The following MYO1E variants were observed in gnomAD, a reference collection of about 807,000 sequenced individuals.
The protein encoded by MYO1E is myosin IE.
Under a neutral mutation model 151.1 loss-of-function variants are expected in MYO1E, and 68 were observed. The observed-to-expected ratio is 0.45, with a 90% CI of 0.37 to 0.55. The LOEUF (loss-of-function observed/expected upper bound fraction) is 0.55. MYO1E is among the 20% of genes least tolerant of loss of function. MYO1E has a pLI of 0.00. For synonymous variants in MYO1E, 601 were observed against 501.7 expected (o/e 1.20, Z -2.64); for missense variants, 1,363 against 1,389.3 (o/e 0.98, Z 0.30).
chr15:59,337,351 T>C (rs2080735322), intron 1 of MYO1E, among the ~76,000 whole-genome samples: 1 of 152,242 alleles, frequency 6.6e-6, no homozygotes, highest in Non-Finnish European at 1.5e-5. Context: ...AATGGAGTTG[T>C]GTTATCCATA....
At position 59,372,440 on chromosome 15, in the gene MYO1E, G is replaced by A. The variant is rs532017779; in HGVS notation, c.3+58C>T. On this transcript the variant is annotated intron_variant, in intron 1 of 27. Coordinates refer to ENST00000288235, the MANE Select transcript of MYO1E (RefSeq NM_004998.4). The stretch of plus-strand genomic sequence containing the variant: ...GCGCCCAAGGTGGGTGCACCACGCC[G>A]GGGTTTCCTGCCCCGTCCCCGGGTC... 5,658 of 1,535,564 alleles carry A rather than the reference G, an allele frequency of 3.7e-3. 13 individuals carry two copies. Among genetic ancestry groups the A allele is most frequent in the Non-Finnish European group, 4.6e-3 (5,236 of 1,144,858 alleles).
chr15:59,324,995 C>A (rs1251683423), intron 1 of MYO1E, among the ~76,000 whole-genome samples: 2 of 146,926 alleles, frequency 1.4e-5, no homozygotes, highest in Non-Finnish European at 3.0e-5. Flanking sequence ...ATCTTCCCTT[C>A]AGTAGGGTTT....
At chr15:59,175,149 A>C (rs1373468645) in intron 19 of MYO1E, among the ~76,000 whole-genome samples, 1 of 152,198 alleles carries the variant, frequency 6.6e-6, no homozygotes, top group Non-Finnish European at 1.5e-5. Flanking sequence ...TGGGGCTAGA[A>C]AGTGAACCTA....
At chr15:59,142,523 C>T (rs2079416437) in intron 26 of MYO1E, among the ~76,000 whole-genome samples, 1 of 152,196 alleles carries the variant, frequency 6.6e-6, no homozygotes, top group Non-Finnish European at 1.5e-5. Context: ...TCGTGTCTTC[C>T]TTGCCAGTTG....
chr15:59,180,511 C>T (rs1272887721), intron 18 of MYO1E, among the ~76,000 whole-genome samples: 1 of 151,628 alleles, frequency 6.6e-6, no homozygotes, highest in Admixed American at 6.6e-5. Flanking sequence ...TGGCAATTCA[C>T]ATTTTTTCCT....
intron 14 of MYO1E, chr15:59,207,762 G>T: frequency 1.9e-6 from 3 of 1,614,168 alleles, no homozygotes; most frequent in Non-Finnish European, 1.7e-6. Context: ...AAGATCCTGA[G>T]CAATGGAAAA....
chr15:59,215,758 A>G (rs1402993848), intron 10 of MYO1E, among the ~76,000 whole-genome samples: 1 of 152,192 alleles, frequency 6.6e-6, no homozygotes, highest in African/African-American at 2.4e-5. Flanking sequence ...GTATTCATGT[A>G]CTGGTACTAT....
At chr15:59,216,643 A>AGTGTGTGTGTGTCTGTGTGTGTGT (rs2079917170) in intron 10 of MYO1E, among the ~76,000 whole-genome samples, 3 of 43,478 alleles carry the variant, frequency 6.9e-5, no homozygotes, top group African/African-American at 2.7e-4. Flanking sequence ...AAGGGCCCCC[A>AGTGTGTGTGTGTCTGTGTGTGTGT]GTGTGTGTGT....
intron 14 of MYO1E, chr15:59,208,155 T>C: frequency 7.6e-7 from 1 of 1,320,720 alleles, no homozygotes; most frequent in Middle Eastern, 1.9e-4. Flanking sequence ...AACGAAATTT[T>C]GAATAAACTT....
intron 9 of MYO1E, among the ~76,000 whole-genome samples, chr15:59,221,993 A>G (rs1442157100): frequency 6.6e-6 from 1 of 152,202 alleles, no homozygotes; most frequent in Non-Finnish European, 1.5e-5. Flanking sequence ...AAAGTTTAGA[A>G]ACATAGTTAT....
chr15:59,302,551 T>C (rs1443703686), intron 1 of MYO1E, among the ~76,000 whole-genome samples: 1 of 152,138 alleles, frequency 6.6e-6, no homozygotes, highest in African/African-American at 2.4e-5. Flanking sequence ...CTAGGACTCA[T>C]CTGTATTATT....
At chr15:59,219,188 C>T (rs1167186612) in intron 9 of MYO1E, among the ~76,000 whole-genome samples, 3 of 152,068 alleles carry the variant, frequency 2.0e-5, no homozygotes, top group Non-Finnish European at 4.4e-5. Context: ...TTGTTTCAGA[C>T]CATGAAACTT....
chr15:59,276,143 C>A (rs1432425373), intron 1 of MYO1E, among the ~76,000 whole-genome samples: 1 of 152,184 alleles, frequency 6.6e-6, no homozygotes, highest in African/African-American at 2.4e-5. Flanking sequence ...TCCTCTACCC[C>A]TGCTGAGAGG....
rs181714117 is a variant in MYO1E at position 59,249,822 on chromosome 15, A to G, written c.332+6462T>C. On this transcript the variant is annotated intron_variant, in intron 4 of 27. Coordinates refer to ENST00000288235, the MANE Select transcript of MYO1E (RefSeq NM_004998.4). ...AACACATTTTAAAAGGCACCATTCA[A>G]CTCGGCCCCTAACAGATGGAGCACC... Among the ~76,000 whole-genome samples, 293 of 152,160 alleles carry G rather than the reference A, an allele frequency of 1.9e-3. 1 individual carries two copies. The highest frequency in any genetic ancestry group is 6.7e-3 in the African/African-American group (276 of 41,488).
chr15:59,346,888 G>T (rs1479447263), intron 1 of MYO1E, among the ~76,000 whole-genome samples: 1 of 151,276 alleles, frequency 6.6e-6, no homozygotes, highest in East Asian at 1.9e-4. Context: ...CTGCATTCCA[G>T]CCTGGGTGAC....
Position 59,251,176 on chromosome 15 carries a change from A to G in MYO1E, c.332+5108T>C, listed in dbSNP as rs140130301. Among the ~76,000 whole-genome samples the G allele has an allele frequency of 3.0e-4, 46 of 152,328 alleles. No homozygotes were observed. The East Asian group carries it at 8.5e-3, about 28-fold the overall frequency. The stretch of plus-strand genomic sequence containing the variant: ...GTATCAAACAGAAGCATTTCCTATT[A>G]AGCAACCAAATTCAACATGACCCAG... On this transcript the variant is annotated intron_variant, in intron 4 of 27. Transcript: ENST00000288235.
In MYO1E at chr15:59,341,808, A is replaced by G. The variant is rs141404090; in HGVS notation, c.3+30690T>C. On this transcript the variant is annotated intron_variant, in intron 1 of 27. Transcript: ENST00000288235. ...TGATTCCAAATATTTGCTATTGTGAATAGTGCTAGGATAAACATGGGAGTG... is the reference window on the plus strand; with the variant it reads ...TGATTCCAAATATTTGCTATTGTGAGTAGTGCTAGGATAAACATGGGAGTG... 1.0e-3 allele frequency among the ~76,000 whole-genome samples: 158 copies of G among 152,322 alleles called. 1 individual carries two copies. Among genetic ancestry groups the G allele is most frequent in the African/African-American group, 3.4e-3 (142 of 41,560 alleles).
chr15:59,311,251 A>G (rs1363677505), intron 1 of MYO1E, among the ~76,000 whole-genome samples: 1 of 152,068 alleles, frequency 6.6e-6, no homozygotes, highest in Non-Finnish European at 1.5e-5. Context: ...TAGGAGTGGA[A>G]CGGTTTCAGG....
chr15:59,301,632 G>C (rs537433529), intron 1 of MYO1E, among the ~76,000 whole-genome samples: 3 of 152,196 alleles, frequency 2.0e-5, no homozygotes, highest in Non-Finnish European at 4.4e-5. Flanking sequence ...CACTCTCCTC[G>C]GTCCTTGAGG....
Sources: allele counts gnomAD v4.1 joint callset (sites outside exome capture counted in the v4.1 genomes callset), GRCh38; gene constraint gnomAD v4.1.1; transcripts MANE v1.5; gene names NCBI Gene and HGNC (gene_info 2026-07-23, HGNC 2026-07-21).